RAE1: variants seen among roughly 807,000 people sequenced by gnomAD.
RAE1 encodes the protein mRNA export factor RAE1.
RAE1 carries 13 observed loss-of-function variants against 52.7 expected under a neutral mutation model. That is an observed-to-expected ratio of 0.25 (90% CI 0.16 to 0.39). RAE1 has a LOEUF of 0.39. RAE1 is among the 10% of genes least tolerant of loss of function. The probability of loss-of-function intolerance (pLI) is 1.00; values close to 1 mark genes in which losing one functional copy is unlikely to be tolerated. For synonymous variants in RAE1, 164 were observed against 153.1 expected, an observed-to-expected ratio of 1.07 and a Z score of -0.52; for missense variants, 262 against 459.8, an observed-to-expected ratio of 0.57 and a Z score of 3.93.
intron 3 of RAE1, among the ~76,000 whole-genome samples, chr20:57,355,660 T>G (rs1162786642): frequency 1.3e-5 from 2 of 152,214 alleles, no homozygotes; most frequent in African/African-American, 4.8e-5. Flanking sequence ...TTTGAAAATT[T>G]TAATATCCAG....
At chr20:57,370,375 C>T (rs781708622) in intron 8 of RAE1, among the ~76,000 whole-genome samples, 22 of 152,232 alleles carry the variant, frequency 1.4e-4, no homozygotes, top group South Asian at 2.1e-4. Context: ...GCCTCTTACC[C>T]GCTACCTCTG....
At chr20:57,365,571 A>T (rs2066943737) in intron 5 of RAE1, 129 bp downstream of exon 5, 2 of 591,066 alleles carry the variant, frequency 3.4e-6, no homozygotes, top group East Asian at 6.5e-5. Flanking sequence ...TCAATTAGAC[A>T]ATATAACAGA....
intron 5 of RAE1, 72 bp downstream of exon 5, chr20:57,365,514 AATTATT>A: frequency 9.9e-7 from 1 of 1,007,394 alleles, no homozygotes; most frequent in Non-Finnish European, 1.4e-6. Flanking sequence ...TAAGTGAAAT[AATTATT>A]ATAATTATAA....
chr20:57,370,120 G>A (rs972485104), intron 8 of RAE1, among the ~76,000 whole-genome samples: 14 of 152,108 alleles, frequency 9.2e-5, no homozygotes, highest in Non-Finnish European at 5.9e-5. Flanking sequence ...AGTACTGCCC[G>A]CGTCCCTATT....
Position 57,351,295 on chromosome 20 carries a change from G to A in RAE1, c.-135G>A, listed in dbSNP as rs566359659. 8.0e-5 allele frequency: 79 copies of A among 985,326 alleles called. No individual in the cohort carries two copies. The highest frequency in any genetic ancestry group is 1.0e-3 in the Middle Eastern group (2 of 1,936). 61.0% of individuals were successfully genotyped at this position (985,326 alleles called of 1,614,324 possible). On this transcript the variant is annotated 5_prime_UTR_variant, in exon 1 of 12. Coordinates refer to ENST00000395841, the MANE Select transcript of RAE1 (RefSeq NM_003610.4). The stretch of plus-strand genomic sequence containing the variant: ...AGGGCAGTTTCTACCGCAGGCTTAA[G>A]GAGGCTTCGGGCTCCTGGGATTTCT...
At chr20:57,355,688 A>G (rs1386702865) in intron 3 of RAE1, among the ~76,000 whole-genome samples, 3 of 152,216 alleles carry the variant, frequency 2.0e-5, no homozygotes, top group East Asian at 3.8e-4. Flanking sequence ...GGCAATGTAT[A>G]GTATGTTTGT....
In RAE1 at chr20:57,356,552, C is replaced by G; in HGVS notation, c.288+14C>G. ...TGCTGGAGTGACGTACGTTCCCTTC[C>G]ATTTCTCGTGTTCCATTTTACTTAA... On this transcript the variant is annotated intron_variant, in intron 4 of 11. Transcript: ENST00000395841. 6.3e-7 allele frequency: 1 copy of G among 1,592,756 alleles called. No homozygotes were observed. The highest frequency in any genetic ancestry group is 8.6e-7 in the Non-Finnish European group (1 of 1,162,362).
intron 6 of RAE1, 27 bp from the exon 7 acceptor site, chr20:57,366,981 A>T (rs562215471): frequency 1.3e-6 from 2 of 1,595,922 alleles, no homozygotes. Flanking sequence ...GAATGGTCAC[A>T]TACTGGCTTC....
intron 4 of RAE1, among the ~76,000 whole-genome samples, chr20:57,364,578 T>C (rs2066929638): frequency 6.6e-6 from 1 of 152,342 alleles, no homozygotes; most frequent in East Asian, 1.9e-4. Flanking sequence ...AAATATAGAC[T>C]AGGCCAAGGT....
chr20:57,369,168 G>A (rs563146304), intron 8 of RAE1, among the ~76,000 whole-genome samples: 1 of 152,314 alleles, frequency 6.6e-6, no homozygotes, highest in African/African-American at 2.4e-5. Flanking sequence ...TGTGCACAGC[G>A]TCTTACAACG....
At position 57,358,152 on chromosome 20, in the gene RAE1, A is replaced by G. The variant is rs568722009; in HGVS notation, c.288+1614A>G. The G allele has an allele frequency of 7.9e-5, 12 of 152,280 alleles. No homozygotes were observed. The South Asian group carries it at 1.2e-3, about 16-fold the overall frequency. The allele number at this position is 152,280 out of a possible 1,614,324, so 9.4% of individuals were successfully genotyped here. A position where few individuals can be genotyped will look rare whatever the true frequency, so the allele number is the denominator to read the frequency against. ...GATAGAGAGGGCTAGGATTGGAGCAATAATATAAAGGGTGATAGTAGATGT... is the reference window on the plus strand; with the variant it reads ...GATAGAGAGGGCTAGGATTGGAGCAGTAATATAAAGGGTGATAGTAGATGT... On this transcript the variant is annotated intron_variant, in intron 4 of 11. Coordinates refer to ENST00000395841, the MANE Select transcript of RAE1 (RefSeq NM_003610.4).
At position 57,351,418 on chromosome 20, in the gene RAE1, C is replaced by T. The variant is rs759758676; in HGVS notation, c.-12C>T. On this transcript the variant is annotated 5_prime_UTR_variant, in exon 1 of 12. Transcript: ENST00000395841. ...CGCCGCTTTCCGCCGGGGCGAGACC[C>T]CCAGGTAGGCCCCGTGCCGCGCGCG... 69 of 985,500 alleles carry T rather than the reference C, an allele frequency of 7.0e-5. No homozygotes were observed. The highest frequency in any genetic ancestry group is 8.1e-5 in the Non-Finnish European group (67 of 829,988). The allele number at this position is 985,500 out of a possible 1,614,324, so 61.0% of individuals were successfully genotyped here.
At chr20:57,359,064 C>G in intron 4 of RAE1, 1 of 1,477,722 alleles carries the variant, frequency 6.8e-7, no homozygotes. Flanking sequence ...ATTTAGAGAA[C>G]AAGTGATTAT....
At chr20:57,353,515 C>T (rs1447244143) in intron 1 of RAE1, among the ~76,000 whole-genome samples, 3 of 152,224 alleles carry the variant, frequency 2.0e-5, no homozygotes, top group African/African-American at 4.8e-5. Flanking sequence ...ATTGCTGATT[C>T]GCTTCCCGGA....
Position 57,368,766 on chromosome 20 carries a change from A to G in RAE1, c.596A>G (p.Asn199Ser). 1 of 1,613,744 alleles carries G rather than the reference A, an allele frequency of 6.2e-7. No homozygotes were observed. Among genetic ancestry groups the G allele is most frequent in the Non-Finnish European group, 8.5e-7 (1 of 1,179,894 alleles). Residue 199 changes from asparagine to serine, a missense_variant, in exon 8 of 12, where the codon AAT becomes AGT. Physicochemically the swap from Asn to Ser is conservative, Grantham distance 46. Coordinates refer to ENST00000395841, the MANE Select transcript of RAE1 (RefSeq NM_003610.4). ...ERGLIVYQLE[N>S]QPSEFRRIES... Reference sequence around the variant, plus strand: ...GGCCTGATTGTCTATCAGCTAGAGAATCAACCTTCTGAATTCAGGAGGATA... The same window carrying G: ...GGCCTGATTGTCTATCAGCTAGAGAGTCAACCTTCTGAATTCAGGAGGATA...
At chr20:57,356,228 T>G (rs994463374) in intron 3 of RAE1, among the ~76,000 whole-genome samples, 1 of 152,230 alleles carries the variant, frequency 6.6e-6, no homozygotes, top group Admixed American at 6.5e-5. Context: ...ATCTGCAATT[T>G]TATGTGTAAG....
At chr20:57,356,595 A>C in intron 4 of RAE1, 57 bp downstream of exon 4, 3 of 1,426,906 alleles carry the variant, frequency 2.1e-6, no homozygotes, top group Non-Finnish European at 2.9e-6. Context: ...AATGATTTAG[A>C]ATATTTAATA....
At chr20:57,373,454 T>C (rs1398982926) in intron 8 of RAE1, 21 bp from the exon 9 acceptor site, 4 of 1,596,100 alleles carry the variant, frequency 2.5e-6, no homozygotes, top group Non-Finnish European at 3.4e-6. Flanking sequence ...TGATTATGTC[T>C]CTTTTTTATT....
intron 8 of RAE1, 105 bp from the exon 9 acceptor site, chr20:57,373,370 G>C: frequency 9.3e-7 from 1 of 1,075,478 alleles, no homozygotes; most frequent in Non-Finnish European, 1.4e-6. Context: ...GATTTTTTCT[G>C]GTTCTTCTAA....
Sources: gnomAD v4.1 joint callset for allele counts (sites outside exome capture counted in the v4.1 genomes callset) on GRCh38, gnomAD v4.1.1 for gene constraint, MANE v1.5 for transcripts, NCBI Gene and HGNC (gene_info 2026-07-23, HGNC 2026-07-21) for gene names.